GALNT13: variants seen among roughly 807,000 people sequenced by gnomAD.
The protein encoded by GALNT13 is polypeptide N-acetylgalactosaminyltransferase 13.
GALNT13 carries 28 observed loss-of-function variants against 64.2 expected under a neutral mutation model. The observed-to-expected ratio is 0.44, with a 90% CI of 0.32 to 0.60. The LOEUF (loss-of-function observed/expected upper bound fraction) is 0.60, where lower values mean the gene tolerates loss of function less well. Among genes scored for constraint, GALNT13 ranks in the 20% least tolerant of loss-of-function variants. The pLI is 0.05. For missense variants in GALNT13, 577 were observed against 669.8 expected (o/e 0.86, Z 1.53); for synonymous variants, 214 against 224.6 (o/e 0.95, Z 0.42).
At chr2:153,670,359 A>C in the GALNT13 span, among the ~76,000 whole-genome samples, 2 of 152,316 alleles carry the variant, frequency 1.3e-5, no homozygotes, top group East Asian at 3.9e-4. Flanking sequence ...AGGGTCAGAC[A>C]GCAATATTAG....
At chr2:153,816,927 T>C in the GALNT13 span, among the ~76,000 whole-genome samples, 129 of 152,330 alleles carry the variant, frequency 8.5e-4, no homozygotes, top group Middle Eastern at 3.4e-3. Flanking sequence ...AGATGTTCAC[T>C]GTTTAAAAAG....
chr2:153,228,695 A>G, the GALNT13 span, among the ~76,000 whole-genome samples: 1 of 151,982 alleles, frequency 6.6e-6, no homozygotes, highest in African/African-American at 2.4e-5. Context: ...CAACATGATG[A>G]AACCCCGTCT....
chr2:154,343,701 T>G (rs1020746695), intron 9 of GALNT13, among the ~76,000 whole-genome samples: 1 of 152,092 alleles, frequency 6.6e-6, no homozygotes. Context: ...AAATCATGGC[T>G]GTAACATTGA....
the GALNT13 span, among the ~76,000 whole-genome samples, chr2:153,382,244 C>T: frequency 6.6e-6 from 1 of 151,994 alleles, no homozygotes; most frequent in South Asian, 2.1e-4. Context: ...GCAGGGGGTA[C>T]ATGTGCAGGT....
chr2:153,409,278 A>G, the GALNT13 span, among the ~76,000 whole-genome samples: 1 of 131,480 alleles, frequency 7.6e-6, no homozygotes, highest in Non-Finnish European at 1.6e-5. Context: ...CCTTTCATAT[A>G]TATATATATG....
the GALNT13 span, among the ~76,000 whole-genome samples, chr2:153,690,818 T>G: frequency 6.6e-6 from 1 of 152,112 alleles, no homozygotes; most frequent in South Asian, 2.1e-4. Context: ...TTTAAGACAT[T>G]GCCAAAATTT....
chr2:153,498,911 G>C, the GALNT13 span, among the ~76,000 whole-genome samples: 1 of 151,790 alleles, frequency 6.6e-6, no homozygotes, highest in African/African-American at 2.4e-5. Flanking sequence ...GCAGTGGCGC[G>C]ATCTCCGCTC....
At chr2:154,273,979 T>G (rs1049790590) in intron 8 of GALNT13, among the ~76,000 whole-genome samples, 2 of 151,974 alleles carry the variant, frequency 1.3e-5, no homozygotes, top group Admixed American at 6.6e-5. Flanking sequence ...TATAAGAAGG[T>G]TTTTTCTCAT....
the GALNT13 span, among the ~76,000 whole-genome samples, chr2:153,825,371 G>A: frequency 1.3e-5 from 2 of 152,280 alleles, no homozygotes; most frequent in African/African-American, 2.4e-5. Context: ...GAGATTATAA[G>A]TAACAATTTC....
chr2:154,007,706 G>A (rs1387382286), intron 3 of GALNT13, among the ~76,000 whole-genome samples: 1 of 151,918 alleles, frequency 6.6e-6, no homozygotes, highest in Non-Finnish European at 1.5e-5. Flanking sequence ...ATAGAGAAGG[G>A]AATGCTAACA....
the GALNT13 span, among the ~76,000 whole-genome samples, chr2:153,749,662 C>T: frequency 6.6e-6 from 1 of 151,926 alleles, no homozygotes; most frequent in East Asian, 1.9e-4. Context: ...TATAGAAATG[C>T]TACTTATTTT....
chr2:154,315,325 T>C (rs1171762841), intron 9 of GALNT13, among the ~76,000 whole-genome samples: 2 of 152,186 alleles, frequency 1.3e-5, no homozygotes, highest in Non-Finnish European at 2.9e-5. Flanking sequence ...TTTGAGAGCA[T>C]TGCAGTAAAT....
the GALNT13 span, among the ~76,000 whole-genome samples, chr2:153,433,276 C>G: frequency 1.3e-5 from 2 of 152,188 alleles, no homozygotes; most frequent in African/African-American, 4.8e-5. Flanking sequence ...TTAGAAGGTT[C>G]TGATCTACCA....
intron 3 of GALNT13, among the ~76,000 whole-genome samples, chr2:153,951,436 A>C (rs1692175792): frequency 6.6e-6 from 1 of 152,144 alleles, no homozygotes; most frequent in Admixed American, 6.6e-5. Context: ...GTAGGAAATG[A>C]TGTCTGCTTA....
At chr2:153,712,976 G>C in the GALNT13 span, among the ~76,000 whole-genome samples, 51 of 152,122 alleles carry the variant, frequency 3.4e-4, no homozygotes, top group African/African-American at 1.2e-3. Flanking sequence ...AGAATAAGTG[G>C]AGTCCAACCA....
chr2:154,419,228 T>C (rs1700149660), intron 11 of GALNT13, among the ~76,000 whole-genome samples: 2 of 152,114 alleles, frequency 1.3e-5, no homozygotes, highest in Admixed American at 1.3e-4. Flanking sequence ...TGATAAAAAC[T>C]TGTAGGAACT....
chr2:154,256,975 T>G (rs569355806), intron 7 of GALNT13, among the ~76,000 whole-genome samples: 1 of 152,298 alleles, frequency 6.6e-6, no homozygotes, highest in African/African-American at 2.4e-5. Flanking sequence ...GGCAGTTAAC[T>G]TAGAACAGAA....
At chr2:153,228,740 G>A in the GALNT13 span, among the ~76,000 whole-genome samples, 1 of 151,974 alleles carries the variant, frequency 6.6e-6, no homozygotes, top group Middle Eastern at 3.2e-3. Flanking sequence ...GGGCATGGTG[G>A]TGTGCACCTG....
chr2:153,543,308 T>C, the GALNT13 span, among the ~76,000 whole-genome samples: 1 of 152,196 alleles, frequency 6.6e-6, no homozygotes, highest in South Asian at 2.1e-4. Context: ...CTTGTGTTTA[T>C]TGTACCTGCC....
Sources: gnomAD v4.1 joint callset for allele counts (sites outside exome capture counted in the v4.1 genomes callset) on GRCh38, gnomAD v4.1.1 for gene constraint, MANE v1.5 for transcripts, NCBI Gene and HGNC (gene_info 2026-07-23, HGNC 2026-07-21) for gene names.